The following MEG3 variants were observed in gnomAD, a reference collection of about 807,000 sequenced individuals.
The protein encoded by MEG3 is Very putative protein from MEG3 locus.
At chr14:100,846,149 T>C (rs1053635237) in intron 3 of MEG3, 2 of 152,258 alleles carry the variant, frequency 1.3e-5, no homozygotes, top group Non-Finnish European at 2.9e-5. Flanking sequence ...CAAAATATTT[T>C]TATATTGCCA....
In MEG3 at chr14:100,834,587, C is replaced by T. The variant is rs926071386; in HGVS notation, n.1619C>T. On this transcript the variant is annotated non_coding_transcript_exon_variant, in exon 1 of 4. Coordinates refer to the MEG3 transcript ENST00000398461. ...TTTCTGCTTCTGTTGCCTTCTTCCTCGTCTTCCTCTCTCTCAATATCTCCC... is the reference window on the plus strand; with the variant it reads ...TTTCTGCTTCTGTTGCCTTCTTCCTTGTCTTCCTCTCTCTCAATATCTCCC... 59 of 420,674 alleles carry T rather than the reference C, an allele frequency of 1.4e-4. 1 individual carries two copies. The highest frequency in any genetic ancestry group is 6.2e-4 in the Middle Eastern group (1 of 1,610). The allele number at this position is 420,674 out of a possible 1,614,324, so 26.1% of individuals were successfully genotyped here.
At chr14:100,843,738 G>A (rs1314599024) in intron 2 of MEG3, among the ~76,000 whole-genome samples, 1 of 151,822 alleles carries the variant, frequency 6.6e-6, no homozygotes, top group Non-Finnish European at 1.5e-5. Context: ...GGGTTGGAGA[G>A]ATCCCTGAGA....
chr14:100,832,532 G>C (rs559466142), downstream of MEG3: 1 of 152,584 alleles, frequency 6.6e-6, no homozygotes, highest in Non-Finnish European at 1.5e-5. Flanking sequence ...GGGCCTTGTC[G>C]AAGGAAGAGG....
At chr14:100,839,529 C>T (rs907355320) in intron 2 of MEG3, among the ~76,000 whole-genome samples, 9 of 152,264 alleles carry the variant, frequency 5.9e-5, no homozygotes, top group Admixed American at 3.3e-4. Flanking sequence ...GAGAGGGTCT[C>T]GTATGGAGCC....
chr14:100,859,448 A>T (rs2038339138), exon 1 of MEG3: 1 of 152,172 alleles, frequency 6.6e-6, no homozygotes, highest in African/African-American at 2.4e-5. Flanking sequence ...TTGAGAATGT[A>T]GAATACATTT....
At chr14:100,826,149 C>T (rs967131004) in intron 1 of MEG3, 1 of 152,264 alleles carries the variant, frequency 6.6e-6, no homozygotes, top group Admixed American at 6.5e-5. Flanking sequence ...GGGAGCGCGC[C>T]TTGGCTCGCT....
rs907507952 is a variant in MEG3, at chr14:100,837,075, G to T, written n.3045+775G>T. Among the ~76,000 whole-genome samples, 3 of 152,220 alleles carry T rather than the reference G, an allele frequency of 2.0e-5. No individual in the cohort carries two copies. The highest frequency in any genetic ancestry group is 4.4e-5 in the Non-Finnish European group (3 of 68,050). On this transcript the variant is annotated intron_variant and non_coding_transcript_variant, in intron 2 of 3. Coordinates refer to the MEG3 transcript ENST00000398461. This position sits in a 1 kb window ranked among gnomAD's most constrained non-coding sequence, Gnocchi z 5.8. ...TCTGGGGCGCCTAAGGCTGGGCTTT[G>T]CACTAAGGACCAGAGGGTCTACTTG...
chr14:100,859,730 G>T (rs936828383), exon 1 of MEG3: 1 of 152,198 alleles, frequency 6.6e-6, no homozygotes, highest in Non-Finnish European at 1.5e-5. Context: ...CCAAAGAATG[G>T]TACATGGGTA....
chr14:100,827,848 C>CGT (rs2037286382), intron 1 of MEG3, among the ~76,000 whole-genome samples: 2 of 152,188 alleles, frequency 1.3e-5, no homozygotes, highest in Admixed American at 6.5e-5. Context: ...CTTTAGTGAA[C>CGT]GTGTGTTTAA....
At chr14:100,852,360 G>C, upstream of MEG3, 1 of 533,542 alleles carries the variant, frequency 1.9e-6, no homozygotes. Context: ...AACAGCATTT[G>C]GAAGGCGGAG....
chr14:100,826,733 G>A (rs940864594), intron 1 of MEG3, among the ~76,000 whole-genome samples: 13 of 152,298 alleles, frequency 8.5e-5, no homozygotes, highest in African/African-American at 3.1e-4. Context: ...GTGGGCGGGA[G>A]GAGTGGAGGT....
At chr14:100,828,101 CCTGGGGTGGG>C (rs1477018896) in intron 1 of MEG3, among the ~76,000 whole-genome samples, 1 of 152,006 alleles carries the variant, frequency 6.6e-6, no homozygotes, top group Admixed American at 6.5e-5. Context: ...GGCGCGGTGG[CCTGGGGTGGG>C]CTGTGGAGCC....
rs1165129045 is a variant in MEG3, at chr14:100,826,825, T to C, written n.372-1883T>C. Among the ~76,000 whole-genome samples the C allele has an allele frequency of 2.6e-5, 4 of 152,284 alleles. No individual in the cohort carries two copies. In the East Asian group the frequency reaches 7.7e-4, roughly 29 times the overall value. On this transcript the variant is annotated intron_variant and non_coding_transcript_variant, in intron 1 of 2. Coordinates refer to ENST00000556407, the Ensembl canonical transcript of MEG3. ...CAGGCAAAATGTGGAGTAAAATTTCTACCCGATATCATCTGGTTCTGCCCT... is the reference window on the plus strand; with the variant it reads ...CAGGCAAAATGTGGAGTAAAATTTCCACCCGATATCATCTGGTTCTGCCCT...
chr14:100,848,562 A>G (rs2037983053), intron 3 of MEG3: 2 of 152,100 alleles, frequency 1.3e-5, no homozygotes, highest in South Asian at 4.2e-4. Context: ...ACAGAAAGAA[A>G]GAGGGAGTGG....
chr14:100,830,919 C>G (rs943633626), downstream of MEG3: 2 of 152,652 alleles, frequency 1.3e-5, no homozygotes, highest in African/African-American at 2.4e-5. Context: ...GGGCGGAGAC[C>G]TGCTTTGAGT....
exon 1 of MEG3, chr14:100,834,681 CAG>C: frequency 2.2e-6 from 1 of 456,580 alleles, no homozygotes; most frequent in Admixed American, 2.3e-5. Flanking sequence ...CGTGTCTCCT[CAG>C]GGTGTCCCAG....
At chr14:100,852,756 C>G, upstream of MEG3, 1 of 223,478 alleles carries the variant, frequency 4.5e-6, no homozygotes, top group Non-Finnish European at 9.2e-6. Context: ...CCATTGCATG[C>G]ACCAAGAGGA....
chr14:100,841,929 C>T lies in MEG3; in HGVS notation n.3046-3529C>T, dbSNP rs190565312. On this transcript the variant is annotated intron_variant and non_coding_transcript_variant, in intron 2 of 3. Transcript: ENST00000398461. ...ACCCTCGCCAGCGCCTCTGTTGGCA[C>T]GGTGGCCCAGTCGGCTGAGAACTTC... Among the ~76,000 whole-genome samples the T allele has an allele frequency of 9.2e-5, 14 of 152,292 alleles. No individual in the cohort carries two copies. The East Asian group carries it at 1.5e-3, about 17-fold the overall frequency.
At chr14:100,852,849 C>T (rs769813412), upstream of MEG3, 2 of 174,090 alleles carry the variant, frequency 1.1e-5, no homozygotes, top group Non-Finnish European at 2.5e-5. Context: ...CACAGTGGGT[C>T]GAACTGAGCC....
Sources: gnomAD v4.1 joint callset for allele counts (sites outside exome capture counted in the v4.1 genomes callset) on GRCh38, gnomAD v4.1.1 for gene constraint, Gnocchi (gnomAD v3.1) non-coding constraint, MANE v1.5 for transcripts, NCBI Gene and HGNC (gene_info 2026-07-23, HGNC 2026-07-21) for gene names.